Variants in CLYBL observed in about 807,000 individuals in gnomAD.
The protein encoded by CLYBL is citramalyl-CoA lyase, also known as citramalyl-CoA lyase, mitochondrial.
In CLYBL, 31 loss-of-function variants were observed where a neutral mutation model predicts 38.9. The observed-to-expected ratio is 0.80, with a 90% CI of 0.60 to 1.08. The LOEUF (loss-of-function observed/expected upper bound fraction) is 1.08. Ranked by LOEUF, CLYBL falls within the 50% of genes least tolerant of loss-of-function variation. The pLI is 0.00. For missense variants in CLYBL, 434 were observed against 411.6 expected (o/e 1.05, Z -0.47); for synonymous variants, 171 against 158.6 (o/e 1.08, Z -0.59).
intron 1 of CLYBL, among the ~76,000 whole-genome samples, chr13:99,676,379 G>A (rs773103600): frequency 6.6e-5 from 10 of 150,782 alleles, no homozygotes; most frequent in South Asian, 2.1e-4. Context: ...GCGCAATCTC[G>A]GCTCACTGCA....
chr13:99,814,868 A>C (rs1394793516), intron 2 of CLYBL, among the ~76,000 whole-genome samples: 1 of 152,144 alleles, frequency 6.6e-6, no homozygotes, highest in Admixed American at 6.5e-5. Context: ...TCATCTCTAC[A>C]AAAAATCAAA....
At chr13:99,639,810 C>T (rs1490555463) in intron 1 of CLYBL, among the ~76,000 whole-genome samples, 1 of 152,150 alleles carries the variant, frequency 6.6e-6, no homozygotes, top group Non-Finnish European at 1.5e-5. Context: ...GGCAGGACAA[C>T]CACTTGAGCC....
chr13:99,719,516 A>T (rs918875607), intron 1 of CLYBL, among the ~76,000 whole-genome samples: 25 of 150,584 alleles, frequency 1.7e-4, no homozygotes, highest in African/African-American at 3.4e-4. Flanking sequence ...ATATATATAT[A>T]TTTTTTGGAG....
In CLYBL at chr13:99,659,619, T is replaced by C. The variant is rs552916564; in HGVS notation, c.62+52862T>C. Among the ~76,000 whole-genome samples, 7 of 152,362 alleles carry C rather than the reference T, an allele frequency of 4.6e-5. No homozygotes were observed. The East Asian group carries it at 9.6e-4, about 21-fold the overall frequency. ...ATTTATTTAATGATGCCAGGAATAC[T>C]ATGCCCTATTCTTTATTGGCAGGAA... On this transcript the variant is annotated intron_variant, in intron 1 of 8. Transcript: ENST00000339105.
chr13:99,656,565 T>A (rs1001563321), intron 1 of CLYBL, among the ~76,000 whole-genome samples: 3 of 152,242 alleles, frequency 2.0e-5, no homozygotes, highest in African/African-American at 7.2e-5. Flanking sequence ...GCATTTTTAC[T>A]GTTCTCCTAA....
Position 99,858,977 on chromosome 13 carries a change from C to G in CLYBL, c.366C>G (p.Thr122=), listed in dbSNP as rs542025162. The change falls in exon 3 of 9, where the codon ACC becomes ACG. Residue 122 remains threonine (T), a synonymous_variant. Transcript: ENST00000339105. ...SSGLAEEDLE[T]LLQSRVLPSS... is the part of the protein sequence containing the mutation. ...GTCTGGCGGAAGAAGACCTAGAGAC[C>G]CTTTTGCAATCCCGGGTCCTTCCTT... is the stretch of plus-strand genomic sequence containing the variant. 6.2e-7 allele frequency: 1 copy of G among 1,614,054 alleles called. No individual in the cohort carries two copies. Among genetic ancestry groups the G allele is most frequent in the Admixed American group, 1.7e-5 (1 of 60,020 alleles).
rs549598027 is a variant in CLYBL, at chr13:99,644,225, A to C, written c.62+37468A>C. Reference sequence around the variant, plus strand: ...GTGTATGTGTATATGTGGTGTATGTATATGTGGTGTATGTATGTATATGTG... The same window carrying C: ...GTGTATGTGTATATGTGGTGTATGTCTATGTGGTGTATGTATGTATATGTG... On this transcript the variant is annotated intron_variant, in intron 1 of 8. Coordinates refer to ENST00000339105, the MANE Select transcript of CLYBL (RefSeq NM_206808.5). Among the ~76,000 whole-genome samples, 190 of 151,858 alleles carry C rather than the reference A, an allele frequency of 1.3e-3. 1 individual carries two copies. The highest frequency in any genetic ancestry group is 4.1e-3 in the African/African-American group (170 of 41,366).
At position 99,675,767 on chromosome 13, in the gene CLYBL, T is replaced by C. The variant is rs148462491; in HGVS notation, c.62+69010T>C. ...TGTACTAATATATACCACATTTTATTTATTCATTGATTAGTTGTTGGAAAT... is the reference window on the plus strand; with the variant it reads ...TGTACTAATATATACCACATTTTATCTATTCATTGATTAGTTGTTGGAAAT... On this transcript the variant is annotated intron_variant, in intron 1 of 8. Coordinates refer to ENST00000339105, the MANE Select transcript of CLYBL (RefSeq NM_206808.5). Among the ~76,000 whole-genome samples, 551 of 152,378 alleles carry C rather than the reference T, an allele frequency of 3.6e-3. 4 individuals are homozygous for C. The highest frequency in any genetic ancestry group is 0.013 in the African/African-American group (522 of 41,590).
intron 2 of CLYBL, among the ~76,000 whole-genome samples, chr13:99,809,710 A>T (rs1230461821): frequency 6.6e-6 from 1 of 152,224 alleles, no homozygotes; most frequent in Non-Finnish European, 1.5e-5. Flanking sequence ...CGCCTCTGGT[A>T]ATGAGCTGCC....
At chr13:99,813,140 AG>A (rs760582754) in intron 2 of CLYBL, among the ~76,000 whole-genome samples, 5 of 152,038 alleles carry the variant, frequency 3.3e-5, no homozygotes, top group South Asian at 2.1e-4. Context: ...TTTTTGTCTC[AG>A]GAAAAAAAAA....
At chr13:99,908,964 G>A (rs2052724048) in exon 10 of CLYBL, among the ~76,000 whole-genome samples, 1 of 152,190 alleles carries the variant, frequency 6.6e-6, no homozygotes, top group Non-Finnish European at 1.5e-5. Context: ...GCCCATGCTA[G>A]TGAGCCAACA....
chr13:99,688,681 G>A (rs1169418093), intron 1 of CLYBL, among the ~76,000 whole-genome samples: 1 of 151,582 alleles, frequency 6.6e-6, no homozygotes, highest in Non-Finnish European at 1.5e-5. Flanking sequence ...GTGACATGAA[G>A]AGAGAGAGAA....
chr13:99,837,587 T>C (rs1257675258), intron 2 of CLYBL, among the ~76,000 whole-genome samples: 1 of 152,226 alleles, frequency 6.6e-6, no homozygotes, highest in Non-Finnish European at 1.5e-5. Context: ...CCTAGTAAAA[T>C]GGAGCTACCT....
chr13:99,792,780 C>G (rs1187859284), intron 2 of CLYBL, among the ~76,000 whole-genome samples: 1 of 152,138 alleles, frequency 6.6e-6, no homozygotes, highest in East Asian at 1.9e-4. Context: ...CCTGCAAGGC[C>G]TCCTGTAGTC....
At chr13:99,723,851 G>A (rs2048428851) in intron 1 of CLYBL, among the ~76,000 whole-genome samples, 2 of 152,304 alleles carry the variant, frequency 1.3e-5, no homozygotes, top group South Asian at 4.1e-4. Flanking sequence ...GATGGTTACA[G>A]GTTTCAGTGA....
At chr13:99,838,796 T>C (rs1045664948) in intron 2 of CLYBL, among the ~76,000 whole-genome samples, 2 of 96,334 alleles carry the variant, frequency 2.1e-5, no homozygotes, top group Non-Finnish European at 4.2e-5. Flanking sequence ...CCACCACGCC[T>C]GGCTAATTTT....
At chr13:99,885,218 G>C (rs2052320632) in intron 7 of CLYBL, 5 of 393,356 alleles carry the variant, frequency 1.3e-5, no homozygotes, top group Admixed American at 3.0e-5. Flanking sequence ...AGCTGTACAG[G>C]GAAAGGGTGG....
At chr13:99,798,206 C>T (rs1283259153) in intron 2 of CLYBL, among the ~76,000 whole-genome samples, 2 of 152,200 alleles carry the variant, frequency 1.3e-5, no homozygotes, top group African/African-American at 2.4e-5. Flanking sequence ...TCACTGCGCT[C>T]AAATTTTACA....
chr13:99,609,575 C>T (rs113830480), intron 1 of CLYBL, among the ~76,000 whole-genome samples: 43 of 152,258 alleles, frequency 2.8e-4, no homozygotes, highest in African/African-American at 9.4e-4. Flanking sequence ...CTCACTCTGT[C>T]ACCCAGGCTG....
Sources: allele counts gnomAD v4.1 joint callset (sites outside exome capture counted in the v4.1 genomes callset), GRCh38; gene constraint gnomAD v4.1.1; transcripts MANE v1.5; gene names NCBI Gene and HGNC (gene_info 2026-07-23, HGNC 2026-07-21).